DCDC2: variants seen among roughly 807,000 people sequenced by gnomAD.
DCDC2 encodes the protein doublecortin domain-containing protein 2.
In DCDC2, 40 loss-of-function variants were observed where a neutral mutation model predicts 50.2. The observed-to-expected ratio is 0.80, with a 90% CI of 0.62 to 1.04. DCDC2 has a LOEUF of 1.04. Among genes scored for constraint, DCDC2 ranks in the 50% least tolerant of loss-of-function variants. The pLI, the probability that DCDC2 is intolerant of heterozygous loss-of-function variation, is 0.00. For missense variants in DCDC2, 570 were observed against 581.9 expected (o/e 0.98, Z 0.21); for synonymous variants, 234 against 210.6 (o/e 1.11, Z -0.96).
intron 2 of DCDC2, among the ~76,000 whole-genome samples, chr6:24,341,946 G>A (rs1407028835): frequency 2.8e-4 from 3 of 10,590 alleles, no homozygotes; most frequent in Non-Finnish European, 5.8e-4. Context: ...GTGTGCACGC[G>A]TACACACACA....
chr6:24,245,829 C>T (rs1047294294), intron 7 of DCDC2, among the ~76,000 whole-genome samples: 1 of 152,000 alleles, frequency 6.6e-6, no homozygotes, highest in Non-Finnish European at 1.5e-5. Flanking sequence ...TAAACAAAAA[C>T]TGGCAAATTT....
intron 1 of DCDC2, among the ~76,000 whole-genome samples, chr6:24,355,114 T>C (rs988666907): frequency 6.6e-5 from 10 of 152,208 alleles, no homozygotes; most frequent in African/African-American, 2.4e-4. Context: ...AGATACTACT[T>C]CTTTAACACA....
intron 7 of DCDC2, among the ~76,000 whole-genome samples, chr6:24,209,664 C>T (rs145420421): frequency 7.2e-5 from 11 of 152,276 alleles, no homozygotes; most frequent in African/African-American, 1.7e-4. Context: ...GCTCATGAAA[C>T]GTCTTGAGTT....
chr6:24,351,097 A>C (rs372897361), intron 2 of DCDC2, among the ~76,000 whole-genome samples: 251 of 152,332 alleles, frequency 1.6e-3, no homozygotes, highest in African/African-American at 5.4e-3. Flanking sequence ...ACAGCCGTAA[A>C]AATACCATAG....
intron 8 of DCDC2, among the ~76,000 whole-genome samples, chr6:24,181,286 T>C (rs367767807): frequency 2.6e-5 from 4 of 152,190 alleles, no homozygotes; most frequent in South Asian, 2.1e-4. Context: ...GTGTTTAATG[T>C]ATGTGACCTA....
intron 7 of DCDC2, among the ~76,000 whole-genome samples, chr6:24,265,993 T>C (rs1012488921): frequency 4.6e-5 from 7 of 151,462 alleles, no homozygotes; most frequent in Non-Finnish European, 8.9e-5. Flanking sequence ...GCCAGACTAA[T>C]AAAAAAAGAC....
chr6:24,251,162 C>T (rs1206221208), intron 7 of DCDC2, among the ~76,000 whole-genome samples: 2 of 152,148 alleles, frequency 1.3e-5, no homozygotes, highest in African/African-American at 4.8e-5. Flanking sequence ...ATAGCACTGG[C>T]TAATTGGAGT....
At chr6:24,344,708 G>A (rs781733993) in intron 2 of DCDC2, among the ~76,000 whole-genome samples, 3 of 152,088 alleles carry the variant, frequency 2.0e-5, no homozygotes, top group East Asian at 1.9e-4. Flanking sequence ...ACACATACAC[G>A]CATCCATACA....
chr6:24,230,094 A>T (rs1762308225), intron 7 of DCDC2, among the ~76,000 whole-genome samples: 1 of 152,194 alleles, frequency 6.6e-6, no homozygotes, highest in Non-Finnish European at 1.5e-5. Context: ...CTTAAAACAT[A>T]AAGTTTTTAA....
intron 2 of DCDC2, among the ~76,000 whole-genome samples, chr6:24,315,583 GC>G (rs1197708648): frequency 6.6e-6 from 1 of 152,066 alleles, no homozygotes; most frequent in Non-Finnish European, 1.5e-5. Flanking sequence ...CAAGACCCCT[GC>G]CTTCATGAAG....
At chr6:24,187,699 T>C (rs1448994552) in intron 8 of DCDC2, among the ~76,000 whole-genome samples, 1 of 152,218 alleles carries the variant, frequency 6.6e-6, no homozygotes, top group Non-Finnish European at 1.5e-5. Context: ...CTCTGGATAT[T>C]CGTCTTAAAT....
intron 7 of DCDC2, among the ~76,000 whole-genome samples, chr6:24,221,702 T>C (rs1006837582): frequency 1.3e-5 from 2 of 152,228 alleles, no homozygotes; most frequent in Admixed American, 6.5e-5. Context: ...CACAATTACC[T>C]GTGAAGTGGA....
chr6:24,347,267 TAG>T (rs981640703), intron 2 of DCDC2, among the ~76,000 whole-genome samples: 2 of 152,186 alleles, frequency 1.3e-5, no homozygotes, highest in Admixed American at 1.3e-4. Context: ...CCAACATTGG[TAG>T]AGTTAAAAAT....
chr6:24,367,149 T>C, the DCDC2 span, among the ~76,000 whole-genome samples: 1 of 152,234 alleles, frequency 6.6e-6, no homozygotes, highest in African/African-American at 2.4e-5. Context: ...TGTCTAAACC[T>C]TTTTAAATGC....
At chr6:24,228,880 G>C (rs952321380) in intron 7 of DCDC2, among the ~76,000 whole-genome samples, 1 of 152,178 alleles carries the variant, frequency 6.6e-6, no homozygotes, top group African/African-American at 2.4e-5. Context: ...AATCTCTTGA[G>C]GGGGCTGGTT....
At chr6:24,381,882 TAAAG>T in the DCDC2 span, among the ~76,000 whole-genome samples, 9 of 58,146 alleles carry the variant, frequency 1.5e-4, no homozygotes, top group Admixed American at 1.3e-3. Flanking sequence ...AAGAAAGAGA[TAAAG>T]AAAAAAGAAA....
upstream of DCDC2, among the ~76,000 whole-genome samples, chr6:24,360,785 A>G (rs1760654020): frequency 6.6e-6 from 1 of 152,196 alleles, no homozygotes; most frequent in South Asian, 2.1e-4. Flanking sequence ...GAACACTATA[A>G]CCATGGACCA....
chr6:24,191,270 C>A (rs1335175454), intron 8 of DCDC2, among the ~76,000 whole-genome samples: 2 of 152,182 alleles, frequency 1.3e-5, no homozygotes, highest in African/African-American at 4.8e-5. Flanking sequence ...AGAGGAGCTG[C>A]AGGTAGCTGC....
At chr6:24,317,036 A>G (rs1356868664) in intron 2 of DCDC2, among the ~76,000 whole-genome samples, 1 of 151,912 alleles carries the variant, frequency 6.6e-6, no homozygotes, top group African/African-American at 2.4e-5. Flanking sequence ...TAAAAACAAA[A>G]AGCTATTTTT....
Sources: allele counts gnomAD v4.1 joint callset (sites outside exome capture counted in the v4.1 genomes callset), GRCh38; gene constraint gnomAD v4.1.1; transcripts MANE v1.5; gene names NCBI Gene and HGNC (gene_info 2026-07-23, HGNC 2026-07-21).